Variants in RORA observed in about 807,000 individuals in gnomAD.
The protein encoded by RORA is RAR related orphan receptor A.
In RORA, 7 loss-of-function variants were observed where a neutral mutation model predicts 69.5. The observed-to-expected ratio is 0.10, with a 90% CI of 0.06 to 0.19. The LOEUF is 0.19. RORA is among the 10% of genes least tolerant of loss of function. RORA has a pLI of 1.00. For missense variants in RORA, 457 were observed against 663.0 expected, an observed-to-expected ratio of 0.69 and a Z score of 3.41; for synonymous variants, 261 against 240.8, an observed-to-expected ratio of 1.08 and a Z score of -0.78.
chr15:61,068,856 C>G (rs1408962154), intron 1 of RORA, among the ~76,000 whole-genome samples: 1 of 152,120 alleles, frequency 6.6e-6, no homozygotes, highest in Non-Finnish European at 1.5e-5. Flanking sequence ...GATGCAGAAA[C>G]AAGTACTCTT....
intron 1 of RORA, among the ~76,000 whole-genome samples, chr15:61,191,569 G>A (rs2079800669): frequency 6.6e-6 from 1 of 152,182 alleles, no homozygotes; most frequent in Non-Finnish European, 1.5e-5. Context: ...GTGCTTTGCA[G>A]ATAAACACAT....
chr15:60,810,090 T>C (rs2072720442), intron 1 of RORA, among the ~76,000 whole-genome samples: 1 of 152,136 alleles, frequency 6.6e-6, no homozygotes, highest in Non-Finnish European at 1.5e-5. Context: ...GAGCCTCCTG[T>C]CTTTCTTGGT....
intron 1 of RORA, among the ~76,000 whole-genome samples, chr15:60,726,907 C>T (rs1165898882): frequency 6.6e-6 from 1 of 152,150 alleles, no homozygotes; most frequent in Admixed American, 6.5e-5. Flanking sequence ...GGCCCTTAAT[C>T]CTCAATAGAA....
intron 1 of RORA, among the ~76,000 whole-genome samples, chr15:60,943,317 TTTTC>T (rs1388990481): frequency 6.6e-6 from 1 of 152,178 alleles, no homozygotes; most frequent in East Asian, 1.9e-4. Context: ...TTTTTTTTTT[TTTTC>T]ACTTTTAAAG....
Position 61,141,078 on chromosome 15 carries a change from C to CA in RORA, c.166+87974dup, listed in dbSNP as rs372653103. Among the ~76,000 whole-genome samples, 480 of 152,056 alleles carry CA rather than the reference C, an allele frequency of 3.2e-3. 4 individuals carry two copies. The highest frequency in any genetic ancestry group is 0.011 in the African/African-American group (463 of 41,478). On this transcript the variant is annotated intron_variant, in intron 1 of 10. Coordinates refer to ENST00000335670, the MANE Select transcript of RORA (RefSeq NM_134261.3). ...ACAACGGAAAAGTGTAAATTGGACC[C>CA]AAAAAAATCCTCTTTATTTTTAAAG...
chr15:61,013,068 A>AT (rs1002859997), intron 1 of RORA, among the ~76,000 whole-genome samples: 1 of 152,174 alleles, frequency 6.6e-6, no homozygotes, highest in Admixed American at 6.5e-5. Flanking sequence ...AATTTACTTC[A>AT]TGGAGCACCA....
chr15:60,509,010 G>C (rs192589543), intron 5 of RORA, among the ~76,000 whole-genome samples: 1 of 152,200 alleles, frequency 6.6e-6, no homozygotes, highest in African/African-American at 2.4e-5. Context: ...AGGATGTGTT[G>C]GTTTATAATT....
At chr15:60,980,942 T>C (rs546637562) in intron 1 of RORA, among the ~76,000 whole-genome samples, 3 of 143,928 alleles carry the variant, frequency 2.1e-5, no homozygotes, top group Admixed American at 7.0e-5. Flanking sequence ...TCTAGTAACT[T>C]AAGGTGGAGT....
intron 1 of RORA, among the ~76,000 whole-genome samples, chr15:60,693,079 G>C (rs1005675248): frequency 4.6e-5 from 7 of 152,130 alleles, no homozygotes; most frequent in Non-Finnish European, 1.0e-4. Flanking sequence ...GAATCCAGCA[G>C]CACATCAAAA....
intron 2 of RORA, among the ~76,000 whole-genome samples, chr15:60,657,843 G>A (rs950922054): frequency 7.9e-5 from 12 of 152,088 alleles, no homozygotes; most frequent in African/African-American, 2.4e-4. Flanking sequence ...ATGCTCTCTC[G>A]GTTCCTCCTT....
intron 1 of RORA, among the ~76,000 whole-genome samples, chr15:61,201,773 C>G (rs1405812641): frequency 6.6e-6 from 1 of 152,096 alleles, no homozygotes; most frequent in East Asian, 1.9e-4. Context: ...TAATTTAACT[C>G]AAAATAGAAT....
chr15:61,179,687 G>A (rs912489819), intron 1 of RORA, among the ~76,000 whole-genome samples: 7 of 152,254 alleles, frequency 4.6e-5, no homozygotes, highest in Non-Finnish European at 1.0e-4. Context: ...TAAATGTGTG[G>A]CAAATGGACA....
At chr15:61,175,192 T>C (rs2079616955) in intron 1 of RORA, among the ~76,000 whole-genome samples, 1 of 152,192 alleles carries the variant, frequency 6.6e-6, no homozygotes, top group African/African-American at 2.4e-5. Flanking sequence ...GCAAAAGTCC[T>C]GGTGGGCAAG....
chr15:60,847,326 G>C (rs1481611797), intron 1 of RORA, among the ~76,000 whole-genome samples: 4 of 151,948 alleles, frequency 2.6e-5, no homozygotes, highest in Admixed American at 2.6e-4. Flanking sequence ...AGCCAGGCAA[G>C]AGTCTAATCA....
intron 1 of RORA, among the ~76,000 whole-genome samples, chr15:60,988,746 T>A (rs889741508): frequency 5.3e-5 from 8 of 152,086 alleles, no homozygotes; most frequent in African/African-American, 1.9e-4. Context: ...AGGTACACAA[T>A]GCAGTTTAAC....
intron 1 of RORA, among the ~76,000 whole-genome samples, chr15:60,748,298 A>G (rs1332796454): frequency 7.7e-6 from 1 of 129,232 alleles, no homozygotes; most frequent in Non-Finnish European, 1.6e-5. Context: ...GCCAATACTG[A>G]TATAATTAGC....
chr15:60,796,511 CAA>C (rs200497896), intron 1 of RORA, among the ~76,000 whole-genome samples: 2 of 144,180 alleles, frequency 1.4e-5, no homozygotes, highest in Non-Finnish European at 1.5e-5. Flanking sequence ...CACCCCCCGC[CAA>C]AAAAAAAAAG....
intron 1 of RORA, among the ~76,000 whole-genome samples, chr15:60,699,001 A>T (rs991550349): frequency 2.0e-5 from 3 of 151,954 alleles, no homozygotes; most frequent in African/African-American, 7.2e-5. Flanking sequence ...AATTTATAAG[A>T]CTTCTGTATA....
At chr15:61,123,464 T>C (rs992919241) in intron 1 of RORA, among the ~76,000 whole-genome samples, 1 of 152,180 alleles carries the variant, frequency 6.6e-6, no homozygotes, top group Non-Finnish European at 1.5e-5. Context: ...AGGGGGCACA[T>C]GAAGAGCCCC....
Sources: allele counts gnomAD v4.1 joint callset (sites outside exome capture counted in the v4.1 genomes callset), GRCh38; gene constraint gnomAD v4.1.1; transcripts MANE v1.5; gene names NCBI Gene and HGNC (gene_info 2026-07-23, HGNC 2026-07-21).